Variants in KIF13B observed in about 807,000 individuals in gnomAD.
KIF13B encodes kinesin family member 13B.
A neutral mutation model predicts 222.0 loss-of-function variants in KIF13B; 127 were observed. The ratio of observed to expected loss-of-function variants is 0.57; its 90% CI spans 0.50 to 0.66. KIF13B has a LOEUF of 0.66. KIF13B is among the 30% of genes least tolerant of loss of function. The pLI is 0.00. For synonymous variants in KIF13B, 976 were observed against 919.0 expected (o/e 1.06, Z -1.12); for missense variants, 2,173 against 2,379.0 (o/e 0.91, Z 1.80).
In KIF13B at chr8:29,148,738, GCTTT is replaced by G; in HGVS notation, c.1648_1651del (p.Lys550GlnfsTer12). 6.3e-7 allele frequency: 1 copy of G among 1,596,574 alleles called. No homozygotes were observed. The highest frequency in any genetic ancestry group is 8.5e-7 in the Non-Finnish European group (1 of 1,172,662). ...ATCCTGGTCCTCATCCTCTCGTTCT[GCTTT>G]CTTTTTCTTTTTAGGCAAATTGAGT... On this transcript the variant is annotated frameshift_variant, in exon 16 of 40. Coordinates refer to ENST00000524189, the MANE Select transcript of KIF13B (RefSeq NM_015254.4). LOFTEE classifies it high-confidence loss of function.
intron 10 of KIF13B, 87 bp from the exon 11 acceptor site, chr8:29,167,672 A>C: frequency 1.8e-6 from 2 of 1,111,632 alleles, no homozygotes; most frequent in South Asian, 2.7e-5. Flanking sequence ...ATGGTGAACA[A>C]ATTTCCCCAG....
At chr8:29,218,806 C>T (rs554708612) in intron 2 of KIF13B, 45 of 152,338 alleles carry the variant, frequency 3.0e-4, no homozygotes, top group African/African-American at 9.6e-4. Context: ...ATGCTATGAG[C>T]CATCACAGTG....
chr8:29,108,004 C>T (rs1809174130), intron 35 of KIF13B, 135 bp downstream of exon 35: 1 of 701,134 alleles, frequency 1.4e-6, no homozygotes, highest in South Asian at 2.0e-5. Context: ...CTCTAAAACA[C>T]TTTCAAGTAA....
At chr8:29,182,691 A>C (rs957148138) in intron 6 of KIF13B, among the ~76,000 whole-genome samples, 3 of 152,070 alleles carry the variant, frequency 2.0e-5, no homozygotes, top group Admixed American at 1.3e-4. Context: ...AGCATACTTA[A>C]TAATATAAAC....
In KIF13B at chr8:29,134,322, T is replaced by C. The variant is rs146785241; in HGVS notation, c.2614-112A>G. The C allele has an allele frequency of 2.6e-5, 25 of 969,970 alleles. No individual in the cohort carries two copies. In the African/African-American group the frequency reaches 3.3e-4, roughly 13 times the overall value. The allele number at this position is 969,970 out of a possible 1,614,324, so 60.1% of individuals were successfully genotyped here. On this transcript the variant is annotated intron_variant, in intron 21 of 39. Coordinates refer to ENST00000524189, the MANE Select transcript of KIF13B (RefSeq NM_015254.4). ...CTAACTTAGGTGCTTATGATATTTA[T>C]GTTGGCCAAATCCCATTCACCCTGA...
intron 16 of KIF13B, 37 bp from the exon 17 acceptor site, chr8:29,147,639 T>C: frequency 6.9e-7 from 1 of 1,438,878 alleles, no homozygotes; most frequent in South Asian, 1.2e-5. Flanking sequence ...TGATCGAGAG[T>C]TACAACATAA....
Position 29,124,844 on chromosome 8 carries a change from T to C in KIF13B, c.3253-721A>G, listed in dbSNP as rs1207843144. Among the ~76,000 whole-genome samples the C allele has an allele frequency of 2.7e-4, 39 of 145,788 alleles. 1 individual carries two copies. The highest frequency in any genetic ancestry group is 3.0e-5 in the Non-Finnish European group (2 of 67,024). ...GTTGCAATGAGCCGAGACTGTGCCA[T>C]GGCACTCCAGCCTGGGCAACAAGAA... On this transcript the variant is annotated intron_variant, in intron 26 of 39. Transcript: ENST00000524189.
upstream of KIF13B, chr8:29,263,234 A>G (rs542653548): frequency 6.1e-4 from 329 of 542,710 alleles, 2 homozygotes; most frequent in African/African-American, 5.6e-3. Flanking sequence ...GCGGGGCCGC[A>G]GCGAAGGCGG....
chr8:29,237,260 CA>C (rs1480620867), intron 2 of KIF13B, among the ~76,000 whole-genome samples: 1 of 150,878 alleles, frequency 6.6e-6, no homozygotes, highest in Non-Finnish European at 1.5e-5. Flanking sequence ...AAAGTACTGT[CA>C]AAAAAACTAA....
intron 2 of KIF13B, among the ~76,000 whole-genome samples, chr8:29,218,366 C>T (rs759931437): frequency 4.6e-5 from 7 of 152,204 alleles, no homozygotes; most frequent in African/African-American, 9.7e-5. Flanking sequence ...AATGTCCAGA[C>T]GCCACTTTTC....
chr8:29,107,116 G>A (rs573792868), intron 35 of KIF13B, among the ~76,000 whole-genome samples: 19 of 152,246 alleles, frequency 1.2e-4, no homozygotes, highest in East Asian at 9.6e-4. Context: ...AAATTCCAGC[G>A]AATAAAATTT....
intron 22 of KIF13B, 121 bp downstream of exon 22, chr8:29,133,919 C>A: frequency 1.1e-6 from 1 of 946,964 alleles, no homozygotes; most frequent in Non-Finnish European, 1.6e-6. Flanking sequence ...AATCCCCACA[C>A]TCTACAGAAA....
intron 23 of KIF13B, 86 bp downstream of exon 23, chr8:29,132,222 G>C: frequency 2.9e-6 from 3 of 1,046,524 alleles, no homozygotes; most frequent in East Asian, 6.0e-5. Flanking sequence ...CTCCAGCCTG[G>C]GTGACAGAGT....
intron 37 of KIF13B, among the ~76,000 whole-genome samples, chr8:29,086,376 C>G (rs1808049686): frequency 6.6e-6 from 1 of 152,166 alleles, no homozygotes; most frequent in African/African-American, 2.4e-5. Context: ...CCTGTCTCAA[C>G]CAGGCATCAT....
At position 29,086,295 on chromosome 8, in the gene KIF13B, C is replaced by A. The variant is rs965441189; in HGVS notation, c.4458+6450G>T. ...ACTGTTCAGAGAAGTTTTAAGTCTC[C>A]AAGCTAAACTGGAATAAAAACATAT... is the stretch of plus-strand genomic sequence containing the variant. On this transcript the variant is annotated intron_variant, in intron 37 of 39. Transcript: ENST00000524189. Among the ~76,000 whole-genome samples, 7 of 152,148 alleles carry A rather than the reference C, an allele frequency of 4.6e-5. 1 individual carries two copies. In the South Asian group the frequency reaches 1.2e-3, roughly 27 times the overall value.
intron 2 of KIF13B, among the ~76,000 whole-genome samples, chr8:29,206,348 T>C (rs929480033): frequency 6.6e-6 from 1 of 152,202 alleles, no homozygotes. Flanking sequence ...TTAGATGCCA[T>C]CATTATTGTG....
chr8:29,244,903 A>C (rs1159380460), intron 2 of KIF13B, among the ~76,000 whole-genome samples: 1 of 152,256 alleles, frequency 6.6e-6, no homozygotes, highest in Non-Finnish European at 1.5e-5. Flanking sequence ...AGGACAGATT[A>C]TAACTGACAG....
intron 21 of KIF13B, among the ~76,000 whole-genome samples, chr8:29,136,354 G>A (rs1042733063): frequency 2.6e-5 from 4 of 152,102 alleles, no homozygotes; most frequent in Admixed American, 1.3e-4. Flanking sequence ...CAAGGTGGGC[G>A]GATCACCTGA....
chr8:29,110,106 T>C (rs1161767697), intron 32 of KIF13B, 36 bp from the exon 33 acceptor site: 4 of 1,533,024 alleles, frequency 2.6e-6, no homozygotes, highest in Non-Finnish European at 3.5e-6. Flanking sequence ...TAAAAGCTTC[T>C]TGATGTACAC....
Sources: gnomAD v4.1 joint callset for allele counts (sites outside exome capture counted in the v4.1 genomes callset) on GRCh38, gnomAD v4.1.1 for gene constraint, MANE v1.5 for transcripts, NCBI Gene and HGNC (gene_info 2026-07-23, HGNC 2026-07-21) for gene names.